The following AKAP6 variants were observed in gnomAD, a reference collection of about 807,000 sequenced individuals.
AKAP6 encodes A-kinase anchoring protein 6.
AKAP6 carries 58 observed loss-of-function variants against 188.5 expected under a neutral mutation model. The observed-to-expected ratio is 0.31, with a 90% confidence interval of 0.25 to 0.38. The LOEUF is 0.38. Among genes scored for constraint, AKAP6 ranks in the 10% least tolerant of loss-of-function variants. The pLI, the probability that AKAP6 is intolerant of heterozygous loss-of-function variation, is 1.00. For missense variants in AKAP6, 2,710 were observed against 2,740.0 expected, an observed-to-expected ratio of 0.99 and a Z score of 0.24; for synonymous variants, 989 against 998.6, an observed-to-expected ratio of 0.99 and a Z score of 0.18.
intron 12 of AKAP6, among the ~76,000 whole-genome samples, chr14:32,795,593 C>A (rs1490744632): frequency 6.6e-6 from 1 of 152,140 alleles, no homozygotes; most frequent in African/African-American, 2.4e-5. Flanking sequence ...TCCAGTATCC[C>A]TTCATGTTAA....
chr14:32,591,617 A>AT (rs200021947), intron 5 of AKAP6, among the ~76,000 whole-genome samples: 54 of 147,254 alleles, frequency 3.7e-4, no homozygotes, highest in African/African-American at 1.1e-3. Flanking sequence ...AAGAAGGAGG[A>AT]TTTTTTTGTC....
chr14:32,339,901 A>G (rs1448166359), intron 1 of AKAP6, among the ~76,000 whole-genome samples: 1 of 152,066 alleles, frequency 6.6e-6, no homozygotes, highest in Admixed American at 6.6e-5. Context: ...TCTGCAGCTG[A>G]ATTTTGTACC....
chr14:32,422,218 A>G (rs1414338283), intron 1 of AKAP6, among the ~76,000 whole-genome samples: 1 of 152,218 alleles, frequency 6.6e-6, no homozygotes, highest in Non-Finnish European at 1.5e-5. Context: ...CAAGACTAAC[A>G]GTTCTGCCCA....
At chr14:32,369,483 C>T (rs1252181734) in intron 1 of AKAP6, among the ~76,000 whole-genome samples, 1 of 152,136 alleles carries the variant, frequency 6.6e-6, no homozygotes, top group Admixed American at 6.5e-5. Flanking sequence ...ATTTGGCAAA[C>T]TTGTTAAAAA....
In AKAP6 at chr14:32,584,418, C is replaced by A. The variant is rs552246200; in HGVS notation, c.2469+7176C>A. On this transcript the variant is annotated intron_variant, in intron 5 of 13. Coordinates refer to ENST00000280979, the MANE Select transcript of AKAP6 (RefSeq NM_004274.5). ...TTTAAAACTTATGAATTTTTTATGT[C>A]TGGAGCTTTGCATTTATATTTTCAG... 7.2e-5 allele frequency among the ~76,000 whole-genome samples: 11 copies of A among 152,280 alleles called. No homozygotes were observed. The East Asian group carries it at 2.1e-3, about 29-fold the overall frequency.
intron 12 of AKAP6, among the ~76,000 whole-genome samples, chr14:32,800,698 C>T (rs1004636041): frequency 6.6e-6 from 1 of 152,056 alleles, no homozygotes; most frequent in Non-Finnish European, 1.5e-5. Flanking sequence ...TTACTTTTAA[C>T]ATAGCAGAGT....
At chr14:32,510,260 T>C (rs1015659144) in intron 2 of AKAP6, among the ~76,000 whole-genome samples, 9 of 151,608 alleles carry the variant, frequency 5.9e-5, no homozygotes, top group Admixed American at 1.3e-4. Flanking sequence ...AGATCTTGCA[T>C]ATGCCAAAGA....
rs186504162 is a variant in AKAP6, at chr14:32,620,471, C to T, written c.2730+19679C>T. On this transcript the variant is annotated intron_variant, in intron 7 of 13. Transcript: ENST00000280979. ...TGTTTATATGATGAATCACATTTAT[C>T]GACTTGTGTATGTTGAATCATCCTG... 2.7e-3 allele frequency among the ~76,000 whole-genome samples: 413 copies of T among 151,854 alleles called. 4 individuals are homozygous for T. The highest frequency in any genetic ancestry group is 8.5e-3 in the African/African-American group (351 of 41,482).
intron 2 of AKAP6, among the ~76,000 whole-genome samples, chr14:32,463,169 A>G (rs1891411246): frequency 6.6e-6 from 1 of 152,118 alleles, no homozygotes; most frequent in African/African-American, 2.4e-5. Flanking sequence ...TTAACACCTC[A>G]CTGTCGATAT....
At chr14:32,715,149 T>C (rs1022914513) in intron 9 of AKAP6, among the ~76,000 whole-genome samples, 2 of 152,044 alleles carry the variant, frequency 1.3e-5, no homozygotes, top group African/African-American at 4.8e-5. Context: ...ACTAACAATT[T>C]ATGAAGTTTG....
At chr14:32,427,318 G>C (rs1459919277) in intron 1 of AKAP6, among the ~76,000 whole-genome samples, 1 of 152,196 alleles carries the variant, frequency 6.6e-6, no homozygotes, top group Non-Finnish European at 1.5e-5. Flanking sequence ...GAGAGCAAAG[G>C]AGGAGAAGGC....
chr14:32,429,251 A>G (rs1016772165), intron 1 of AKAP6, among the ~76,000 whole-genome samples: 4 of 152,240 alleles, frequency 2.6e-5, no homozygotes, highest in African/African-American at 9.6e-5. Context: ...TCTCAAGATG[A>G]CTTGTAAACA....
In AKAP6 at chr14:32,835,070, T is replaced by C. The variant is rs1281770446; in HGVS notation, c.*5265T>C. 6.6e-6 allele frequency: 1 copy of C among 152,232 alleles called. No homozygotes were observed. The highest frequency in any genetic ancestry group is 1.5e-5 in the Non-Finnish European group (1 of 68,028). 9.4% of individuals were successfully genotyped at this position (152,232 alleles called of 1,614,324 possible). Reference sequence around the variant, plus strand: ...CACATTTGTTTCCATAGTCTACGGATGCTTTGACACTATACAAAGTTACGT... The same window carrying C: ...CACATTTGTTTCCATAGTCTACGGACGCTTTGACACTATACAAAGTTACGT... On this transcript the variant is annotated 3_prime_UTR_variant, in exon 14 of 14. Coordinates refer to ENST00000280979, the MANE Select transcript of AKAP6 (RefSeq NM_004274.5).
intron 5 of AKAP6, among the ~76,000 whole-genome samples, chr14:32,581,109 A>T (rs898002642): frequency 2.6e-5 from 4 of 152,164 alleles, no homozygotes; most frequent in Non-Finnish European, 5.9e-5. Context: ...CTAGTTCTAG[A>T]TCCCTGAGGA....
intron 2 of AKAP6, among the ~76,000 whole-genome samples, chr14:32,505,255 C>G (rs1010122811): frequency 6.6e-5 from 10 of 151,540 alleles, no homozygotes; most frequent in Non-Finnish European, 1.5e-4. Flanking sequence ...TTCTATATGA[C>G]AAACCACTGC....
intron 6 of AKAP6, 52 bp from the exon 7 acceptor site, chr14:32,600,577 G>GT (rs1885883538): frequency 4.6e-6 from 7 of 1,519,914 alleles, no homozygotes. Flanking sequence ...AAAATAATGA[G>GT]TAAAGATTCA....
At chr14:32,759,792 T>G (rs1313587747) in intron 11 of AKAP6, among the ~76,000 whole-genome samples, 1 of 152,088 alleles carries the variant, frequency 6.6e-6, no homozygotes, top group Non-Finnish European at 1.5e-5. Context: ...AATAATTCAC[T>G]GTCATGAAGA....
At chr14:32,592,322 A>G (rs940053591) in intron 5 of AKAP6, among the ~76,000 whole-genome samples, 1 of 152,196 alleles carries the variant, frequency 6.6e-6, no homozygotes, top group Admixed American at 6.5e-5. Flanking sequence ...ACAACGTAGT[A>G]TGTGAAGGTT....
rs2032960458 is a variant in AKAP6, at chr14:32,773,553, C to T, written c.3373-125C>T. 3.3e-6 allele frequency: 3 copies of T among 904,746 alleles called. No homozygotes were observed. In the Admixed American group the frequency reaches 7.0e-5, roughly 21 times the overall value. 56.0% of individuals were successfully genotyped at this position (904,746 alleles called of 1,614,324 possible). A position where few individuals can be genotyped will look rare whatever the true frequency, so the allele number is the denominator to read the frequency against. On this transcript the variant is annotated intron_variant, in intron 11 of 13. Coordinates refer to ENST00000280979, the MANE Select transcript of AKAP6 (RefSeq NM_004274.5). ...TTCTAAAAGGGACATCAGAGCTCTT[C>T]TTGTCCTATTGTTGGTAGCTGAGTG...
Sources: allele counts gnomAD v4.1 joint callset (sites outside exome capture counted in the v4.1 genomes callset), GRCh38; gene constraint gnomAD v4.1.1; transcripts MANE v1.5; gene names NCBI Gene and HGNC (gene_info 2026-07-23, HGNC 2026-07-21).